The following PKHD1 variants were observed in gnomAD, a reference collection of about 807,000 sequenced individuals.
PKHD1 encodes the protein fibrocystin.
A neutral mutation model predicts 412.0 loss-of-function variants in PKHD1; 291 were observed. The observed-to-expected ratio is 0.71, with a 90% CI of 0.64 to 0.78. PKHD1 has a LOEUF of 0.78. Among genes scored for constraint, PKHD1 ranks in the 30% least tolerant of loss-of-function variants. The pLI is 0.00. For missense variants in PKHD1, 4,825 were observed against 4,950.7 expected, an observed-to-expected ratio of 0.97 and a Z score of 0.76; for synonymous variants, 1,777 against 1,821.5, an observed-to-expected ratio of 0.98 and a Z score of 0.62.
chr6:51,813,279 C>G (rs1279201926), intron 52 of PKHD1, among the ~76,000 whole-genome samples: 1 of 152,024 alleles, frequency 6.6e-6, no homozygotes, highest in African/African-American at 2.4e-5. Context: ...AATGTCACAC[C>G]ATATTTATAA....
At chr6:51,749,445 T>G (rs547736000) in intron 57 of PKHD1, among the ~76,000 whole-genome samples, 2 of 152,136 alleles carry the variant, frequency 1.3e-5, no homozygotes, top group Non-Finnish European at 2.9e-5. Flanking sequence ...GTAAGTTGAT[T>G]TAAAAATACA....
At chr6:51,849,494 A>G (rs191445533) in intron 49 of PKHD1, among the ~76,000 whole-genome samples, 110 of 152,292 alleles carry the variant, frequency 7.2e-4, no homozygotes, top group African/African-American at 2.4e-3. Context: ...TGGTTGAACT[A>G]ATTTACATTC....
At chr6:51,711,472 A>G (rs1194171634) in intron 60 of PKHD1, among the ~76,000 whole-genome samples, 2 of 152,212 alleles carry the variant, frequency 1.3e-5, no homozygotes, top group Non-Finnish European at 2.9e-5. Flanking sequence ...AGCAGCTAAT[A>G]TATTTTATCT....
chr6:52,083,835 A>C (rs1442683460), intron 2 of PKHD1, among the ~76,000 whole-genome samples: 1 of 152,078 alleles, frequency 6.6e-6, no homozygotes, highest in Non-Finnish European at 1.5e-5. Context: ...CTCCTGCTCA[A>C]TATACTGCTT....
intron 4 of PKHD1, among the ~76,000 whole-genome samples, chr6:52,080,789 G>A (rs927112172): frequency 5.3e-5 from 8 of 151,974 alleles, no homozygotes; most frequent in Admixed American, 5.2e-4. Context: ...AGATATAAAA[G>A]TATCTCATTA....
intron 29 of PKHD1, among the ~76,000 whole-genome samples, chr6:52,032,452 C>T (rs986387197): frequency 3.3e-5 from 5 of 152,188 alleles, no homozygotes; most frequent in East Asian, 3.9e-4. Context: ...TATTTTTATA[C>T]GTAGAATGTC....
intron 39 of PKHD1, among the ~76,000 whole-genome samples, chr6:51,911,441 T>G (rs1343989121): frequency 6.6e-6 from 1 of 152,174 alleles, no homozygotes; most frequent in Non-Finnish European, 1.5e-5. Flanking sequence ...AGCCCAGAAC[T>G]CTGGCATATG....
At chr6:51,658,803 T>A in intron 61 of PKHD1, 149 bp downstream of exon 61, 1 of 628,988 alleles carries the variant, frequency 1.6e-6, no homozygotes, top group Non-Finnish European at 2.8e-6. Context: ...AGAATTTAAG[T>A]CTTTAAATGA....
chr6:51,685,949 C>T (rs369531542), intron 60 of PKHD1, among the ~76,000 whole-genome samples: 3 of 152,300 alleles, frequency 2.0e-5, no homozygotes, highest in African/African-American at 7.2e-5. Flanking sequence ...TTAGGCACAA[C>T]TTACCTGCTG....
At chr6:51,764,561 T>G (rs1788642081) in intron 55 of PKHD1, among the ~76,000 whole-genome samples, 1 of 150,292 alleles carries the variant, frequency 6.7e-6, no homozygotes, top group African/African-American at 2.4e-5. Flanking sequence ...ATCCCATTAC[T>G]GGGTATATAC....
Position 51,847,842 on chromosome 6 carries a change from T to G in PKHD1, c.8040A>C (p.Pro2680=). The G allele has an allele frequency of 6.2e-7, 1 of 1,614,026 alleles. No individual in the cohort carries two copies. The highest frequency in any genetic ancestry group is 8.5e-7 in the Non-Finnish European group (1 of 1,179,914). The change falls in exon 50 of 67, where the codon CCA becomes CCC. Residue 2680 remains proline, a synonymous_variant. Coordinates refer to ENST00000371117, the MANE Select transcript of PKHD1 (RefSeq NM_138694.4). The stretch of plus-strand genomic sequence containing the variant: ...CACAGCCTTGGTTCTGACCTGGTGA[T>G]GGAAGAAATGGAAAAGACAGACCCA... ...SRVGLSFPFL[P]SPGQNQGCDW... is the part of the protein sequence containing the mutation.
At chr6:51,711,952 T>C (rs1401589360) in intron 60 of PKHD1, among the ~76,000 whole-genome samples, 1 of 152,198 alleles carries the variant, frequency 6.6e-6, no homozygotes, top group Admixed American at 6.5e-5. Flanking sequence ...TGCCTGGAAC[T>C]AGCCAAAAAA....
At chr6:51,894,251 A>G (rs1779548595) in intron 43 of PKHD1, among the ~76,000 whole-genome samples, 1 of 152,178 alleles carries the variant, frequency 6.6e-6, no homozygotes, top group African/African-American at 2.4e-5. Context: ...TGCTTTTGGA[A>G]AGCATGGCAA....
chr6:52,025,032 A>G lies in PKHD1; in HGVS notation c.4778T>C (p.Ile1593Thr), dbSNP rs1292527325. 3 of 1,614,008 alleles carry G rather than the reference A, an allele frequency of 1.9e-6. No homozygotes were observed. The highest frequency in any genetic ancestry group is 1.3e-5 in the African/African-American group (1 of 74,906). ...CTGTCCTCTCAGGCCTGTGCCCTCT[A>G]TGGTCAAGAGGCTTCCACCATGTAA... ...FSLHGGSLLT[I>T]EGTGLRGQNT... is the part of the protein sequence containing the mutation. Residue 1593 changes from isoleucine to threonine, a missense_variant, in exon 32 of 67, where the codon ATA becomes ACA. Physicochemically the swap from Ile to Thr is moderately conservative, Grantham distance 89. Coordinates refer to ENST00000371117, the MANE Select transcript of PKHD1 (RefSeq NM_138694.4).
At chr6:51,696,601 C>A (rs1778828403) in intron 60 of PKHD1, among the ~76,000 whole-genome samples, 1 of 152,082 alleles carries the variant, frequency 6.6e-6, no homozygotes, top group Non-Finnish European at 1.5e-5. Context: ...ATTTTCAGAA[C>A]AGAAAGAGAC....
rs370409868 is a variant in PKHD1 at position 51,989,647 on chromosome 6, G to A, written c.5751+20662C>T. ...CTGTTTTTGTTATTATTTTTCACTC[G>A]AGTCATCATTATCCTACAGAGAGGA... On this transcript the variant is annotated intron_variant, in intron 35 of 66. Transcript: ENST00000371117. Among the ~76,000 whole-genome samples, 24 of 151,806 alleles carry A rather than the reference G, an allele frequency of 1.6e-4. 1 individual carries two copies. Among genetic ancestry groups the A allele is most frequent in the African/African-American group, 5.6e-4 (23 of 41,384 alleles).
At chr6:51,691,493 A>G (rs980526658) in intron 60 of PKHD1, among the ~76,000 whole-genome samples, 1 of 152,230 alleles carries the variant, frequency 6.6e-6, no homozygotes. Flanking sequence ...GAATGAGATC[A>G]TGTGCTTTGC....
chr6:52,040,767 C>G (rs377190113), intron 27 of PKHD1, among the ~76,000 whole-genome samples: 1 of 152,174 alleles, frequency 6.6e-6, no homozygotes. Context: ...TAAGGCCACT[C>G]ATGTCATTCC....
intron 52 of PKHD1, among the ~76,000 whole-genome samples, chr6:51,795,345 TG>T (rs977147010): frequency 6.6e-6 from 1 of 152,248 alleles, no homozygotes; most frequent in Non-Finnish European, 1.5e-5. Flanking sequence ...TGTTAGTGTA[TG>T]GAAATGCTAG....
Sources: allele counts gnomAD v4.1 joint callset (sites outside exome capture counted in the v4.1 genomes callset), GRCh38; gene constraint gnomAD v4.1.1; transcripts MANE v1.5; gene names NCBI Gene and HGNC (gene_info 2026-07-23, HGNC 2026-07-21).